Variants in NCOA6 observed in about 807,000 individuals in gnomAD.
NCOA6 encodes NRC RAP250.
NCOA6 carries 49 observed loss-of-function variants against 171.4 expected under a neutral mutation model. The observed-to-expected ratio is 0.29, with a 90% confidence interval of 0.23 to 0.36. NCOA6 has a LOEUF of 0.36. NCOA6 is among the 10% of genes least tolerant of loss of function. NCOA6 has a pLI of 1.00. For missense variants in NCOA6, 2,248 were observed against 2,554.5 expected (o/e 0.88, Z 2.59); for synonymous variants, 910 against 927.5 (o/e 0.98, Z 0.34).
intron 2 of NCOA6, among the ~76,000 whole-genome samples, chr20:34,789,674 G>A (rs1463064870): frequency 6.6e-6 from 1 of 152,146 alleles, no homozygotes; most frequent in Admixed American, 6.5e-5. Context: ...TCATGAGGCT[G>A]AGGTGAAACA....
chr20:34,810,893 T>C (rs1031867918), intron 1 of NCOA6, among the ~76,000 whole-genome samples: 4 of 152,028 alleles, frequency 2.6e-5, no homozygotes. Context: ...ATGCTTTCAA[T>C]GTAGACATAT....
chr20:34,715,071 T>C lies in NCOA6; in HGVS notation c.*251A>G, dbSNP rs1988366649. 6.7e-6 allele frequency: 3 copies of C among 446,448 alleles called. No homozygotes were observed. Among genetic ancestry groups the C allele is most frequent in the Non-Finnish European group, 1.2e-5 (3 of 241,788 alleles). 27.7% of individuals were successfully genotyped at this position (446,448 alleles called of 1,614,324 possible). ...GAAATGTGAAAACTAGTAACATTTA[T>C]AATGGCATTAGCTCCTTTCAATACA... is the stretch of plus-strand genomic sequence containing the variant. On this transcript the variant is annotated 3_prime_UTR_variant, in exon 15 of 15. Coordinates refer to ENST00000359003, the MANE Select transcript of NCOA6 (RefSeq NM_014071.5).
intron 5 of NCOA6, among the ~76,000 whole-genome samples, chr20:34,764,433 C>T (rs1194674073): frequency 6.6e-6 from 1 of 152,104 alleles, no homozygotes; most frequent in Non-Finnish European, 1.5e-5. Flanking sequence ...GTGGCTCACG[C>T]CTGTAATTCC....
At chr20:34,767,243 G>A (rs4911442) in intron 5 of NCOA6, among the ~76,000 whole-genome samples, 141,222 of 152,304 alleles carry the variant, frequency 0.93, 65,670 homozygotes, top group East Asian at 1. Flanking sequence ...GTACCAGAAT[G>A]AAAACCTAGT....
chr20:34,800,426 A>G (rs1042921660), intron 1 of NCOA6, among the ~76,000 whole-genome samples: 5 of 152,144 alleles, frequency 3.3e-5, no homozygotes, highest in African/African-American at 1.2e-4. Context: ...AAAGACACAG[A>G]AAGTGGCTGA....
chr20:34,796,905 C>A (rs528529672), intron 1 of NCOA6, among the ~76,000 whole-genome samples: 1 of 152,040 alleles, frequency 6.6e-6, no homozygotes, highest in African/African-American at 2.4e-5. Context: ...CACTATGTAT[C>A]TTTTTGAATA....
intron 11 of NCOA6, among the ~76,000 whole-genome samples, chr20:34,737,851 A>T (rs2076004544): frequency 6.6e-6 from 1 of 152,200 alleles, no homozygotes; most frequent in South Asian, 2.1e-4. Context: ...AAAGCTTAAA[A>T]CTATATCTTA....
chr20:34,724,936 C>A (rs1185155106), intron 14 of NCOA6, among the ~76,000 whole-genome samples: 1 of 151,808 alleles, frequency 6.6e-6, no homozygotes, highest in African/African-American at 2.4e-5. Context: ...TTACAGGCGC[C>A]CACCACCACA....
intron 3 of NCOA6, among the ~76,000 whole-genome samples, chr20:34,777,976 T>C (rs1029262884): frequency 2.0e-5 from 3 of 152,134 alleles, no homozygotes; most frequent in African/African-American, 7.2e-5. Flanking sequence ...GGCATGATCT[T>C]GGCTCACTGC....
chr20:34,816,537 T>C (rs2078841679), intron 1 of NCOA6, among the ~76,000 whole-genome samples: 1 of 152,086 alleles, frequency 6.6e-6, no homozygotes, highest in Admixed American at 6.6e-5. Context: ...GTAGGTGCGA[T>C]TAGATGCACA....
chr20:34,746,703 G>A, intron 10 of NCOA6, 104 bp downstream of exon 10: 1 of 1,293,120 alleles, frequency 7.7e-7, no homozygotes, highest in Non-Finnish European at 1.0e-6. Context: ...AAGTAGACTA[G>A]TTAGCAGATA....
At chr20:34,811,174 A>T (rs1163950489) in intron 1 of NCOA6, among the ~76,000 whole-genome samples, 1 of 129,176 alleles carries the variant, frequency 7.7e-6, no homozygotes, top group African/African-American at 2.8e-5. Context: ...AAACTCAAGG[A>T]CTATTTAACA....
At chr20:34,768,305 T>C (rs866657302) in intron 5 of NCOA6, among the ~76,000 whole-genome samples, 159 bp downstream of exon 5, 1 of 152,232 alleles carries the variant, frequency 6.6e-6, no homozygotes, top group African/African-American at 2.4e-5. Flanking sequence ...TGCTGTGACC[T>C]CTAGCCTCCG....
rs374622335 is a variant in NCOA6 at position 34,823,258 on chromosome 20, C to T, written c.-164+2214G>A. 3.3e-5 allele frequency among the ~76,000 whole-genome samples: 5 copies of T among 152,256 alleles called. No individual in the cohort carries two copies. In the East Asian group the frequency reaches 5.8e-4, roughly 18 times the overall value. The stretch of plus-strand genomic sequence containing the variant: ...ATAGGCTGGGCGCGGTGGCTCACGC[C>T]TGTAATCCCAGCACTTTGGGAGGCT... On this transcript the variant is annotated intron_variant, in intron 1 of 14. Coordinates refer to ENST00000359003, the MANE Select transcript of NCOA6 (RefSeq NM_014071.5).
chr20:34,767,736 T>C (rs956596580), intron 5 of NCOA6, among the ~76,000 whole-genome samples: 5 of 152,200 alleles, frequency 3.3e-5, no homozygotes, highest in African/African-American at 4.8e-5. Context: ...TCTGTTTTAT[T>C]TGAATAAAGG....
At chr20:34,794,980 T>G (rs966427791) in intron 1 of NCOA6, among the ~76,000 whole-genome samples, 8 of 152,198 alleles carry the variant, frequency 5.3e-5, no homozygotes, top group Admixed American at 1.3e-4. Flanking sequence ...CATTAATGAC[T>G]TATTCTGAAG....
chr20:34,773,712 C>T (rs1321396791), intron 4 of NCOA6, among the ~76,000 whole-genome samples: 5 of 152,264 alleles, frequency 3.3e-5, no homozygotes, highest in Admixed American at 3.3e-4. Context: ...TTAGTAGAGA[C>T]GGGGTTTCAC....
At chr20:34,746,673 C>G (rs2076311943) in intron 10 of NCOA6, 134 bp downstream of exon 10, 2 of 1,071,950 alleles carry the variant, frequency 1.9e-6, no homozygotes, top group African/African-American at 3.3e-5. Flanking sequence ...CTTCCAAATA[C>G]CAGACACATT....
At chr20:34,725,422 G>A (rs1275167070) in intron 14 of NCOA6, among the ~76,000 whole-genome samples, 1 of 152,232 alleles carries the variant, frequency 6.6e-6, no homozygotes, top group Non-Finnish European at 1.5e-5. Flanking sequence ...GAGGTGGGCA[G>A]AGAGAAGAGC....
Sources: allele counts gnomAD v4.1 joint callset (sites outside exome capture counted in the v4.1 genomes callset), GRCh38; gene constraint gnomAD v4.1.1; transcripts MANE v1.5; gene names NCBI Gene and HGNC (gene_info 2026-07-23, HGNC 2026-07-21).